The following PCDHA1 variants were observed in gnomAD, a reference collection of about 807,000 sequenced individuals.
The protein encoded by PCDHA1 is protocadherin alpha 1.
A neutral mutation model predicts 61.3 loss-of-function variants in PCDHA1; 42 were observed. The observed-to-expected ratio is 0.69, with a 90% confidence interval of 0.54 to 0.89. The LOEUF is 0.89. Among genes scored for constraint, PCDHA1 ranks in the 40% least tolerant of loss-of-function variants. The pLI, the probability that PCDHA1 is intolerant of heterozygous loss-of-function variation, is 0.00. For missense variants in PCDHA1, 1,256 were observed against 1,235.3 expected (o/e 1.02, Z -0.25); for synonymous variants, 610 against 553.8 (o/e 1.10, Z -1.43).
In PCDHA1 at chr5:140,786,582, T is replaced by C. The variant is rs546642276; in HGVS notation, c.292T>C (p.Trp98Arg). The C allele has an allele frequency of 3.1e-6, 5 of 1,614,212 alleles. No individual in the cohort carries two copies. The African/African-American group carries it at 5.3e-5, about 17-fold the overall frequency. Residue 98 changes from tryptophan (W) to arginine (R), a missense_variant, in exon 1 of 4, where the codon TGG becomes CGG. By Grantham distance (101) the Trp-to-Arg change is moderately radical (BLOSUM62 -3). Coordinates refer to ENST00000504120, the MANE Select transcript of PCDHA1 (RefSeq NM_018900.4). ...GATCGATCGCGAGGAGCTGTGCCAG[T>C]GGAGCGCGGAGTGCAGCATCCACCT... ...SRIDREELCQ[W>R]SAECSIHLEL...
chr5:140,910,972 G>T (rs533796834), intron 1 of PCDHA1, among the ~76,000 whole-genome samples: 1 of 152,124 alleles, frequency 6.6e-6, no homozygotes, highest in African/African-American at 2.4e-5. Flanking sequence ...CCTCCTCATG[G>T]GTTATACTCT....
intron 1 of PCDHA1, chr5:140,834,286 C>A: frequency 2.6e-6 from 3 of 1,172,442 alleles, no homozygotes; most frequent in Non-Finnish European, 2.4e-6. Flanking sequence ...GGATGCACAA[C>A]AATGGCCACA....
rs539246204 is a variant in PCDHA1 at position 140,883,140 on chromosome 5, A to G, written c.2394+94456A>G. On this transcript the variant is annotated intron_variant, in intron 1 of 3. Coordinates refer to ENST00000504120, the MANE Select transcript of PCDHA1 (RefSeq NM_018900.4). The stretch of plus-strand genomic sequence containing the variant: ...AGGCCTGTATGGCCTGCAGTGGTAT[A>G]TGCATTTACCATAAATCCGAACAAT... 9 of 1,614,118 alleles carry G rather than the reference A, an allele frequency of 5.6e-6. No individual in the cohort carries two copies. The South Asian group carries it at 9.9e-5, about 18-fold the overall frequency.
chr5:140,877,463 C>T (rs782373755), intron 1 of PCDHA1: 1 of 1,613,772 alleles, frequency 6.2e-7, no homozygotes, highest in East Asian at 2.2e-5. Flanking sequence ...TCCACGGCCA[C>T]GGTGCTGGTG....
At chr5:140,793,714 C>G (rs1036626757) in intron 1 of PCDHA1, among the ~76,000 whole-genome samples, 28 of 151,900 alleles carry the variant, frequency 1.8e-4, no homozygotes, top group African/African-American at 6.8e-4. Context: ...CATTTTTTTA[C>G]TGTGAAGGGA....
intron 1 of PCDHA1, chr5:140,875,653 C>G (rs1554167829): frequency 1.2e-6 from 2 of 1,613,682 alleles, no homozygotes; most frequent in Non-Finnish European, 8.5e-7. Context: ...GGAGCTGGTG[C>G]CGCGCCTGTT....
chr5:140,843,802 G>A (rs2150366922), intron 1 of PCDHA1: 2 of 1,291,294 alleles, frequency 1.5e-6, no homozygotes, highest in South Asian at 1.4e-5. Flanking sequence ...GTTTTTCACC[G>A]TATTTTATAG....
intron 1 of PCDHA1, among the ~76,000 whole-genome samples, chr5:140,798,642 C>T (rs1554120711): frequency 6.6e-6 from 1 of 152,200 alleles, no homozygotes; most frequent in African/African-American, 2.4e-5. Context: ...TGTGAGCTCA[C>T]TCAATTTTAC....
intron 1 of PCDHA1, among the ~76,000 whole-genome samples, chr5:140,970,865 T>C (rs1255232385): frequency 6.6e-6 from 1 of 152,180 alleles, no homozygotes; most frequent in Non-Finnish European, 1.5e-5. Context: ...CCATTCCTGA[T>C]TGAGAGTAGA....
At chr5:140,846,889 C>A (rs1378591011) in intron 1 of PCDHA1, among the ~76,000 whole-genome samples, 1 of 149,358 alleles carries the variant, frequency 6.7e-6, no homozygotes. Flanking sequence ...ATCAGAATGA[C>A]GTTGAAGTTG....
chr5:140,956,186 T>C (rs1305769419), intron 1 of PCDHA1, among the ~76,000 whole-genome samples: 1 of 152,204 alleles, frequency 6.6e-6, no homozygotes, highest in Non-Finnish European at 1.5e-5. Context: ...AATACTATGC[T>C]GAATAGGAGT....
In PCDHA1 at chr5:140,856,432, C is replaced by T. The variant is rs782418117; in HGVS notation, c.2394+67748C>T. On this transcript the variant is annotated intron_variant, in intron 1 of 3. Transcript: ENST00000504120. ...TGGAAGTGAAGGACATTAACGACAA[C>T]CCGCCCAGGTTCTCCGTAACAGAAC... 1.9e-6 allele frequency: 3 copies of T among 1,598,272 alleles called. No individual in the cohort carries two copies. In the African/African-American group the frequency reaches 4.0e-5, roughly 22 times the overall value.
chr5:140,898,462 CTTGT>C (rs2066755516), intron 1 of PCDHA1, among the ~76,000 whole-genome samples: 1 of 150,202 alleles, frequency 6.7e-6, no homozygotes, highest in South Asian at 2.1e-4. Flanking sequence ...TTCCCCATTG[CTTGT>C]TTTTCTCAGG....
intron 1 of PCDHA1, chr5:140,876,689 C>A (rs2056506979): frequency 1.2e-6 from 2 of 1,614,228 alleles, no homozygotes; most frequent in Non-Finnish European, 1.7e-6. Context: ...AATTACTACT[C>A]GTTGGTGCTG....
Position 140,842,759 on chromosome 5 carries a change from C to T in PCDHA1, c.2394+54075C>T, listed in dbSNP as rs1270005538. 3 of 1,594,688 alleles carry T rather than the reference C, an allele frequency of 1.9e-6. No homozygotes were observed. The East Asian group carries it at 6.7e-5, about 36-fold the overall frequency. ...CTGCCACATCTTCACGGTGTCTGCG[C>T]GAGACGCGGACGCGCAGGAGAACGC... is the stretch of plus-strand genomic sequence containing the variant. On this transcript the variant is annotated intron_variant, in intron 1 of 3. Coordinates refer to ENST00000504120, the MANE Select transcript of PCDHA1 (RefSeq NM_018900.4).
intron 1 of PCDHA1, among the ~76,000 whole-genome samples, chr5:140,957,164 T>C (rs2095337835): frequency 6.6e-6 from 1 of 152,148 alleles, no homozygotes; most frequent in Non-Finnish European, 1.5e-5. Flanking sequence ...CAAATCTAAG[T>C]ATATAAATTG....
chr5:140,848,691 T>A (rs1554142358), intron 1 of PCDHA1: 1 of 1,591,900 alleles, frequency 6.3e-7, no homozygotes, highest in Non-Finnish European at 8.6e-7. Flanking sequence ...CCTGTTCCAG[T>A]TGGATTCCAA....
chr5:140,876,524 T>C (rs2056397184), intron 1 of PCDHA1: 1 of 1,614,018 alleles, frequency 6.2e-7, no homozygotes, highest in African/African-American at 1.3e-5. Flanking sequence ...CCTGAAGTAA[T>C]GGTTACTTCA....
chr5:140,820,621 C>T (rs1420826782), intron 1 of PCDHA1, among the ~76,000 whole-genome samples: 3 of 151,872 alleles, frequency 2.0e-5, no homozygotes, highest in African/African-American at 7.2e-5. Flanking sequence ...CAAATCATAC[C>T]ATCCAGTAAA....
Sources: allele counts gnomAD v4.1 joint callset (sites outside exome capture counted in the v4.1 genomes callset), GRCh38; gene constraint gnomAD v4.1.1; transcripts MANE v1.5; gene names NCBI Gene and HGNC (gene_info 2026-07-23, HGNC 2026-07-21).